ADD1: variants seen among roughly 807,000 people sequenced by gnomAD.
ADD1 encodes adducin 1, also known as alpha-adducin.
ADD1 carries 24 observed loss-of-function variants against 80.5 expected under a neutral mutation model. That is an observed-to-expected ratio of 0.30 (90% CI 0.22 to 0.42). The LOEUF (loss-of-function observed/expected upper bound fraction) is 0.42, where lower values mean the gene tolerates loss of function less well. Among genes scored for constraint, ADD1 ranks in the 10% least tolerant of loss-of-function variants. The probability of loss-of-function intolerance (pLI) is 1.00; values close to 1 mark genes in which losing one functional copy is unlikely to be tolerated. For synonymous variants in ADD1, 373 were observed against 393.8 expected (o/e 0.95, Z 0.63); for missense variants, 948 against 1,019.0 (o/e 0.93, Z 0.95).
intron 1 of ADD1, among the ~76,000 whole-genome samples, chr4:2,861,029 T>G (rs958595381): frequency 6.6e-6 from 1 of 152,148 alleles, no homozygotes; most frequent in African/African-American, 2.4e-5. Context: ...AACTTCAAAA[T>G]TTCCAGTTGA....
intron 10 of ADD1, 121 bp downstream of exon 10, chr4:2,905,229 A>G (rs1577660220): frequency 6.8e-6 from 6 of 885,940 alleles, no homozygotes; most frequent in Non-Finnish European, 1.0e-5. Context: ...TTCCTTATTC[A>G]CTTTCTTGTA....
intron 4 of ADD1, among the ~76,000 whole-genome samples, chr4:2,885,016 T>C (rs1262301825): frequency 2.6e-5 from 4 of 152,250 alleles, no homozygotes; most frequent in Admixed American, 2.6e-4. Flanking sequence ...CTCAAACTTA[T>C]TTCTTCAGCT....
intron 4 of ADD1, among the ~76,000 whole-genome samples, chr4:2,892,483 G>A (rs1734461141): frequency 6.6e-6 from 1 of 152,104 alleles, no homozygotes; most frequent in African/African-American, 2.4e-5. Flanking sequence ...AAAACATACT[G>A]TGGAAGAGGC....
intron 1 of ADD1, among the ~76,000 whole-genome samples, chr4:2,864,338 G>T (rs1179542576): frequency 6.6e-6 from 1 of 152,108 alleles, no homozygotes; most frequent in African/African-American, 2.4e-5. Context: ...GCTTGAACCC[G>T]GGAGGCGGAG....
intron 14 of ADD1, among the ~76,000 whole-genome samples, chr4:2,924,371 A>G (rs1740605762): frequency 6.6e-6 from 1 of 152,134 alleles, no homozygotes; most frequent in South Asian, 2.1e-4. Context: ...CTTGTCCACT[A>G]GGCTCTGAGC....
At chr4:2,927,006 C>T (rs560163964) in intron 15 of ADD1, among the ~76,000 whole-genome samples, 6 of 152,316 alleles carry the variant, frequency 3.9e-5, no homozygotes, top group South Asian at 4.1e-4. Flanking sequence ...AGTGCAGCCT[C>T]GGTTCAGACA....
chr4:2,914,916 T>G lies in ADD1; in HGVS notation c.1824T>G (p.Ile608Met), dbSNP rs1477705138. The G allele has an allele frequency of 5.0e-6, 8 of 1,613,398 alleles. No individual in the cohort carries two copies. The Admixed American group carries it at 1.3e-4, about 27-fold the overall frequency. Residue 608 changes from isoleucine (I) to methionine (M), a missense_variant, in exon 14 of 16, where the codon ATT becomes ATG. By Grantham distance (10) the Ile-to-Met change is conservative. Transcript: ENST00000683351. ...GELVTASKAI[I>M]EKEYQPHVIV... Reference sequence around the variant, plus strand: ...TGGTGACGGCCTCCAAGGCCATCATTGAAAAGGAGTACCAGCCCCACGTCA... The same window carrying G: ...TGGTGACGGCCTCCAAGGCCATCATGGAAAAGGAGTACCAGCCCCACGTCA...
At chr4:2,922,835 C>A (rs1740286525) in intron 14 of ADD1, among the ~76,000 whole-genome samples, 1 of 152,232 alleles carries the variant, frequency 6.6e-6, no homozygotes, top group South Asian at 2.1e-4. Context: ...GATGCCCCGC[C>A]CAGGGAGGAG....
chr4:2,862,612 G>T (rs1728969673), intron 1 of ADD1, among the ~76,000 whole-genome samples: 1 of 152,108 alleles, frequency 6.6e-6, no homozygotes, highest in South Asian at 2.1e-4. Context: ...CTGTTTGTCT[G>T]TGAGTCCTTC....
Position 2,928,406 on chromosome 4 carries a change from G to C in ADD1, c.2283G>C (p.Glu761Asp). 6.2e-7 allele frequency: 1 copy of C among 1,613,242 alleles called. No homozygotes were observed. Among genetic ancestry groups the C allele is most frequent in the Non-Finnish European group, 8.5e-7 (1 of 1,179,926 alleles). The stretch of plus-strand genomic sequence containing the variant: ...AGGCTGCCCCCTCAGCTGTCGAGGA[G>C]GGGGCCGCCGCGGACCCTGGCAGCG... ...AEEAAPSAVE[E>D]GAAADPGSDG... is the part of the protein sequence containing the mutation. Residue 761 changes from glutamate (E) to aspartate (D), a missense_variant, in exon 16 of 16, where the codon GAG (glutamate) becomes GAC (aspartate). Coordinates refer to ENST00000683351, the MANE Select transcript of ADD1 (RefSeq NM_001354761.2).
intron 13 of ADD1, among the ~76,000 whole-genome samples, chr4:2,911,477 C>T (rs1228061673): frequency 7.0e-6 from 1 of 142,176 alleles, no homozygotes; most frequent in East Asian, 2.0e-4. Flanking sequence ...GACAGGGTCT[C>T]ACTCTGTTGT....
chr4:2,864,490 C>T (rs1383644858), intron 1 of ADD1, among the ~76,000 whole-genome samples: 3 of 152,146 alleles, frequency 2.0e-5, no homozygotes, highest in Non-Finnish European at 4.4e-5. Flanking sequence ...TGTTTTGTAT[C>T]ATTATGCTGC....
intron 1 of ADD1, among the ~76,000 whole-genome samples, chr4:2,865,374 A>G (rs375741479): frequency 6.6e-6 from 1 of 152,314 alleles, no homozygotes; most frequent in South Asian, 2.1e-4. Flanking sequence ...CCTAGCTCTA[A>G]AAAGGAAAAC....
At chr4:2,886,895 G>A (rs3775067) in intron 4 of ADD1, among the ~76,000 whole-genome samples, 60,534 of 151,922 alleles carry the variant, frequency 0.4, 12,360 homozygotes, top group South Asian at 0.61. Flanking sequence ...AGATCAGTGC[G>A]GTGAAAATGT....
At chr4:2,916,986 C>G (rs1732452659) in intron 14 of ADD1, among the ~76,000 whole-genome samples, 1 of 152,122 alleles carries the variant, frequency 6.6e-6, no homozygotes, top group African/African-American at 2.4e-5. Context: ...CATAGTGGTG[C>G]AGTACACATA....
chr4:2,908,739 C>A, intron 12 of ADD1, 135 bp downstream of exon 12: 1 of 746,690 alleles, frequency 1.3e-6, no homozygotes, highest in Non-Finnish European at 2.2e-6. Context: ...TTAAAACCTT[C>A]ATGATGAGAA....
chr4:2,864,057 G>A (rs747916342), intron 1 of ADD1, among the ~76,000 whole-genome samples: 3 of 152,134 alleles, frequency 2.0e-5, no homozygotes, highest in Non-Finnish European at 4.4e-5. Flanking sequence ...CACAATCTCC[G>A]AGGACCTACA....
chr4:2,913,928 G>T (rs558555390), intron 13 of ADD1, among the ~76,000 whole-genome samples: 2 of 151,842 alleles, frequency 1.3e-5, no homozygotes, highest in Non-Finnish European at 2.9e-5. Context: ...GCGTGGTGGC[G>T]GGCGCCTGTA....
At chr4:2,865,491 T>G (rs903778446) in intron 1 of ADD1, among the ~76,000 whole-genome samples, 5 of 152,238 alleles carry the variant, frequency 3.3e-5, no homozygotes, top group Middle Eastern at 3.2e-3. Context: ...CATTGTGGTG[T>G]TCTCAGTTTA....
Sources: allele counts gnomAD v4.1 joint callset (sites outside exome capture counted in the v4.1 genomes callset), GRCh38; gene constraint gnomAD v4.1.1; transcripts MANE v1.5; gene names NCBI Gene and HGNC (gene_info 2026-07-23, HGNC 2026-07-21).